Variants in PVT1 observed in about 807,000 individuals in gnomAD.
The protein encoded by PVT1 is Pvt1 oncogene.
chr8:127,898,616 C>T lies in PVT1; in HGVS notation n.782+7618C>T, dbSNP rs1346492191. On this transcript the variant is annotated intron_variant and non_coding_transcript_variant, in intron 3 of 10. Coordinates refer to ENST00000651587, the Ensembl canonical transcript of PVT1. The surrounding 1 kb of genome is among the most constrained non-coding windows in gnomAD (Gnocchi z 4.4). ...CCAACCATGGCCCATTGCTGAGACT[C>T]TGGGCCTCAGGGTGGCCTTGGCTGG... 1.3e-5 allele frequency among the ~76,000 whole-genome samples: 2 copies of T among 152,216 alleles called. No homozygotes were observed. The highest frequency in any genetic ancestry group is 4.8e-5 in the African/African-American group (2 of 41,444).
At chr8:127,856,856 A>G (rs1043570099) in intron 2 of PVT1, among the ~76,000 whole-genome samples, 2 of 152,212 alleles carry the variant, frequency 1.3e-5, no homozygotes, top group African/African-American at 4.8e-5. Context: ...CCTAACCGCT[A>G]TGCCTGGGGT....
At chr8:127,960,636 G>A (rs1238262778) in intron 3 of PVT1, 1 of 518,780 alleles carries the variant, frequency 1.9e-6, no homozygotes, top group Admixed American at 2.1e-5. Flanking sequence ...TATCACTGAA[G>A]GCCTCTGCAG....
At chr8:128,038,485 T>C (rs1331390888) in intron 4 of PVT1, among the ~76,000 whole-genome samples, 4 of 152,158 alleles carry the variant, frequency 2.6e-5, no homozygotes, top group African/African-American at 9.7e-5. Context: ...TTTCCAGCAG[T>C]GATAAGTCCT....
intron 3 of PVT1, among the ~76,000 whole-genome samples, chr8:127,954,091 C>T (rs576201419): frequency 6.6e-6 from 1 of 152,240 alleles, no homozygotes; most frequent in Non-Finnish European, 1.5e-5. Flanking sequence ...TGACATTGCT[C>T]CAAGAAAAAA....
intron 3 of PVT1, among the ~76,000 whole-genome samples, chr8:127,968,178 C>A (rs1366949904): frequency 1.3e-5 from 2 of 152,100 alleles, no homozygotes; most frequent in African/African-American, 4.8e-5. Flanking sequence ...ATTGGGAGAA[C>A]CTGCAAAACA....
At chr8:127,880,736 G>A (rs1359490293) in intron 2 of PVT1, among the ~76,000 whole-genome samples, 2 of 152,008 alleles carry the variant, frequency 1.3e-5, no homozygotes, top group Middle Eastern at 3.4e-3. Context: ...GAGTAGCTGC[G>A]ACTATAGGCG....
At chr8:127,840,747 G>A (rs567894553) in intron 2 of PVT1, among the ~76,000 whole-genome samples, 3 of 151,954 alleles carry the variant, frequency 2.0e-5, no homozygotes, top group Non-Finnish European at 2.9e-5. Flanking sequence ...GGGTGGCACC[G>A]AACTGGTCCT....
intron 2 of PVT1, among the ~76,000 whole-genome samples, chr8:127,827,701 C>A (rs1332995490): frequency 6.6e-6 from 1 of 152,116 alleles, no homozygotes; most frequent in Non-Finnish European, 1.5e-5. Context: ...AATTTCCTTC[C>A]CCCTTTCTTT....
At chr8:128,031,564 AG>A (rs1279253359) in intron 4 of PVT1, among the ~76,000 whole-genome samples, 1 of 152,224 alleles carries the variant, frequency 6.6e-6, no homozygotes, top group African/African-American at 2.4e-5. Context: ...CCAAACTCTT[AG>A]AGTTTTTGTG....
chr8:127,992,507 A>G (rs755251861), intron 4 of PVT1, among the ~76,000 whole-genome samples: 7 of 152,096 alleles, frequency 4.6e-5, no homozygotes, highest in Non-Finnish European at 8.8e-5. Context: ...CTGAGTAGCT[A>G]GTACTATAGG....
chr8:127,937,872 G>C (rs531809315), intron 3 of PVT1, among the ~76,000 whole-genome samples: 7 of 152,130 alleles, frequency 4.6e-5, no homozygotes, highest in Non-Finnish European at 1.0e-4. Context: ...ACATTTTTTA[G>C]TCTCACTGCG....
chr8:127,871,115 A>C (rs975331593), intron 2 of PVT1, among the ~76,000 whole-genome samples: 5 of 152,230 alleles, frequency 3.3e-5, no homozygotes, highest in Non-Finnish European at 5.9e-5. Context: ...TGCAAGGAAA[A>C]AATAAAGACA....
Position 127,846,107 on chromosome 8 carries a change from C to G in PVT1, n.373-44482C>G, listed in dbSNP as rs530661875. ...CATCGTGGACCCCTCCAGGGCTGCA[C>G]ATGTGCTTTGTAAGGGCTCTTCAGG... On this transcript the variant is annotated intron_variant and non_coding_transcript_variant, in intron 2 of 10. Transcript: ENST00000651587. Among the ~76,000 whole-genome samples the G allele has an allele frequency of 2.2e-4, 33 of 152,314 alleles. No homozygotes were observed. The South Asian group carries it at 6.4e-3, about 30-fold the overall frequency.
intron 2 of PVT1, among the ~76,000 whole-genome samples, chr8:127,853,153 A>T (rs1470625133): frequency 6.6e-6 from 1 of 152,188 alleles, no homozygotes. Context: ...GTGAGGAGAC[A>T]AGATATAGCC....
intron 3 of PVT1, among the ~76,000 whole-genome samples, chr8:127,938,216 C>T (rs758532169): frequency 6.6e-6 from 1 of 152,186 alleles, no homozygotes; most frequent in Non-Finnish European, 1.5e-5. Context: ...GCGGGGGCCA[C>T]AAAGAGGCGA....
At chr8:127,826,996 T>C (rs1361533780) in intron 2 of PVT1, among the ~76,000 whole-genome samples, 3 of 131,418 alleles carry the variant, frequency 2.3e-5, no homozygotes, top group Non-Finnish European at 5.0e-5. Context: ...CTTTTTCTCT[T>C]TTTTTTTTTT....
chr8:127,992,627 T>C (rs1413344708), intron 4 of PVT1, among the ~76,000 whole-genome samples: 1 of 152,202 alleles, frequency 6.6e-6, no homozygotes, highest in Non-Finnish European at 1.5e-5. Flanking sequence ...AAATGGGCAA[T>C]GAACAGGAGC....
At chr8:127,931,015 C>G (rs901042681) in intron 3 of PVT1, among the ~76,000 whole-genome samples, 3 of 152,162 alleles carry the variant, frequency 2.0e-5, no homozygotes, top group Non-Finnish European at 2.9e-5. Flanking sequence ...AAGGGATCCT[C>G]CCCTTCAGCG....
At chr8:127,808,631 C>G (rs182686367) in intron 2 of PVT1, among the ~76,000 whole-genome samples, 4 of 152,062 alleles carry the variant, frequency 2.6e-5, no homozygotes, top group Admixed American at 2.0e-4. Context: ...AGCAGGTGGC[C>G]CATTTGGGGA....
Sources: gnomAD v4.1 joint callset for allele counts (sites outside exome capture counted in the v4.1 genomes callset) on GRCh38, gnomAD v4.1.1 for gene constraint, Gnocchi (gnomAD v3.1) non-coding constraint, MANE v1.5 for transcripts, NCBI Gene and HGNC (gene_info 2026-07-23, HGNC 2026-07-21) for gene names.